The following ERBIN variants were observed in gnomAD, a reference collection of about 807,000 sequenced individuals.
ERBIN encodes densin-180-like protein.
Under a neutral mutation model 158.4 loss-of-function variants are expected in ERBIN, and 60 were observed. The observed-to-expected ratio is 0.38, with a 90% CI of 0.31 to 0.47. The LOEUF (loss-of-function observed/expected upper bound fraction) is 0.47. ERBIN is among the 20% of genes least tolerant of loss of function. ERBIN has a pLI of 0.99. For missense variants in ERBIN, 1,610 were observed against 1,648.0 expected, an observed-to-expected ratio of 0.98 and a Z score of 0.40; for synonymous variants, 594 against 557.2, an observed-to-expected ratio of 1.07 and a Z score of -0.93.
intron 1 of ERBIN, among the ~76,000 whole-genome samples, chr5:65,946,373 T>C (rs1745747628): frequency 6.6e-6 from 1 of 151,940 alleles, no homozygotes; most frequent in Non-Finnish European, 1.5e-5. Flanking sequence ...CATAAATGAA[T>C]GAATGAATGA....
chr5:66,001,961 A>G (rs948263990), intron 4 of ERBIN, among the ~76,000 whole-genome samples: 1 of 151,714 alleles, frequency 6.6e-6, no homozygotes, highest in Non-Finnish European at 1.5e-5. Context: ...CTATCCCTCC[A>G]CTTTCCCCTC....
At chr5:66,015,121 G>C (rs1017580304) in intron 7 of ERBIN, among the ~76,000 whole-genome samples, 1 of 152,112 alleles carries the variant, frequency 6.6e-6, no homozygotes, top group Non-Finnish European at 1.5e-5. Context: ...GAACTTGATT[G>C]TCTGGCTATG....
intron 21 of ERBIN, among the ~76,000 whole-genome samples, chr5:66,064,399 T>C (rs1760778847): frequency 1.3e-5 from 2 of 152,236 alleles, no homozygotes. Context: ...ACTGTACAGT[T>C]ACCTTGCTAT....
At position 66,021,618 on chromosome 5, in the gene ERBIN, A is replaced by G. The variant is rs372627248; in HGVS notation, c.597+233A>G. On this transcript the variant is annotated intron_variant, in intron 8 of 25. Coordinates refer to ENST00000284037, the MANE Select transcript of ERBIN (RefSeq NM_001253697.2). ...GTAAAATCAATGAGAGGTCCATGGA[A>G]GAGATACTAAACAATTTTTAGCATA... 4.7e-5 allele frequency among the ~76,000 whole-genome samples: 7 copies of G among 150,006 alleles called. No homozygotes were observed. The East Asian group carries it at 1.2e-3, about 25-fold the overall frequency.
At chr5:66,065,484 G>T (rs1760876645) in intron 21 of ERBIN, among the ~76,000 whole-genome samples, 1 of 151,896 alleles carries the variant, frequency 6.6e-6, no homozygotes, top group Non-Finnish European at 1.5e-5. Flanking sequence ...TTTTACCTTT[G>T]TTCTTCCTTT....
intron 4 of ERBIN, among the ~76,000 whole-genome samples, chr5:66,006,905 G>A (rs1753664081): frequency 6.6e-6 from 1 of 150,910 alleles, no homozygotes; most frequent in Non-Finnish European, 1.5e-5. Context: ...TGCTGGAGAG[G>A]ATGTGGAGAA....
chr5:66,053,394 T>C lies in ERBIN; in HGVS notation c.2088-12T>C. On this transcript the variant is annotated splice_polypyrimidine_tract_variant and intron_variant, in intron 20 of 25. Transcript: ENST00000284037. ...CTTTATTATGTTTTTCATAAAATTA[T>C]CTTTATTTTAGGCAAGAAGATGAAA... The C allele has an allele frequency of 2.9e-6, 4 of 1,402,068 alleles. No individual in the cohort carries two copies. The highest frequency in any genetic ancestry group is 3.8e-6 in the Non-Finnish European group (4 of 1,059,626). The allele number at this position is 1,402,068 out of a possible 1,614,324, so 86.9% of individuals were successfully genotyped here. A position where few individuals can be genotyped will look rare whatever the true frequency, so the allele number is the denominator to read the frequency against.
At position 65,926,759 on chromosome 5, in the gene ERBIN, C is replaced by T. The variant is rs1161347330; in HGVS notation, c.-105C>T. On this transcript the variant is annotated 5_prime_UTR_variant, in exon 1 of 26. It introduces an in-frame stop codon into an upstream open reading frame of the 5' UTR. Transcript: ENST00000284037. The stretch of plus-strand genomic sequence containing the variant: ...ACTGATGAAGGGAAGGAAATCATGT[C>T]AAGCGAAGCCTTGAAAAAGCTGCCC... 1 of 152,084 alleles carries T rather than the reference C, an allele frequency of 6.6e-6. No homozygotes were observed. Among genetic ancestry groups the T allele is most frequent in the Admixed American group, 6.5e-5 (1 of 15,268 alleles). 9.4% of individuals were successfully genotyped at this position (152,084 alleles called of 1,614,324 possible).
intron 14 of ERBIN, among the ~76,000 whole-genome samples, chr5:66,036,024 G>A (rs1333711081): frequency 6.6e-6 from 1 of 152,096 alleles, no homozygotes; most frequent in African/African-American, 2.4e-5. Flanking sequence ...AGAAGTTCTA[G>A]GTTACAATGA....
At chr5:66,066,954 G>A (rs1761059949) in intron 21 of ERBIN, among the ~76,000 whole-genome samples, 1 of 152,228 alleles carries the variant, frequency 6.6e-6, no homozygotes, top group African/African-American at 2.4e-5. Flanking sequence ...GTAAGCTCAT[G>A]TGTTTGGAGA....
intron 23 of ERBIN, among the ~76,000 whole-genome samples, chr5:66,075,916 T>G (rs961222936): frequency 6.6e-6 from 1 of 152,176 alleles, no homozygotes; most frequent in Non-Finnish European, 1.5e-5. Context: ...AGATATCTTA[T>G]GTAACAAGCC....
chr5:65,935,796 C>T (rs1403284117), intron 1 of ERBIN, among the ~76,000 whole-genome samples: 1 of 152,166 alleles, frequency 6.6e-6, no homozygotes, highest in Non-Finnish European at 1.5e-5. Context: ...ATGATCACTG[C>T]TCACTGCAGC....
intron 21 of ERBIN, among the ~76,000 whole-genome samples, chr5:66,060,568 T>C (rs1274386832): frequency 1.3e-5 from 2 of 152,216 alleles, no homozygotes; most frequent in African/African-American, 4.8e-5. Flanking sequence ...TAGTTATTTC[T>C]TGTCTTCTGC....
chr5:66,054,296 A>G lies in ERBIN; in HGVS notation c.2978A>G (p.His993Arg). 6.2e-7 allele frequency: 1 copy of G among 1,614,160 alleles called. No homozygotes were observed. Among genetic ancestry groups the G allele is most frequent in the South Asian group, 1.1e-5 (1 of 91,086 alleles). The change falls in exon 21 of 26, where the codon CAC becomes CGC. Residue 993 changes from histidine (H) to arginine (R), a missense_variant. His to Arg is a conservative substitution (Grantham distance 29). This residue lies in a region of ERBIN where 1,014 missense variants were observed against 936.1 expected (regional missense o/e 1.08). Coordinates refer to ENST00000284037, the MANE Select transcript of ERBIN (RefSeq NM_001253697.2). Reference protein sequence around the residue: ...SSAAVKDTLWHSKQNPQIDHA... With the variant: ...SSAAVKDTLWRSKQNPQIDHA... Reference sequence around the variant, plus strand: ...GCTGCAGTCAAAGACACTTTGTGGCACTCCAAACAAAATCCCCAAATAGAC... The same window carrying G: ...GCTGCAGTCAAAGACACTTTGTGGCGCTCCAAACAAAATCCCCAAATAGAC...
rs559923088 is a variant in ERBIN at position 65,977,481 on chromosome 5, G to A, written c.-57-11154G>A. Among the ~76,000 whole-genome samples, 17 of 151,428 alleles carry A rather than the reference G, an allele frequency of 1.1e-4. No individual in the cohort carries two copies. The East Asian group carries it at 1.6e-3, about 14-fold the overall frequency. On this transcript the variant is annotated intron_variant, in intron 1 of 25. Transcript: ENST00000284037. Reference sequence around the variant, plus strand: ...CAGAGGGTCTCCTCACTTCTCAGACGGGGCGGCCGGGCAGAGACGCTCCTC... The same window carrying A: ...CAGAGGGTCTCCTCACTTCTCAGACAGGGCGGCCGGGCAGAGACGCTCCTC...
At chr5:65,964,593 C>A (rs1748314725) in intron 1 of ERBIN, among the ~76,000 whole-genome samples, 1 of 152,140 alleles carries the variant, frequency 6.6e-6, no homozygotes, top group African/African-American at 2.4e-5. Flanking sequence ...CAAACATGGG[C>A]TGTGTATAAT....
chr5:66,007,519 A>C (rs1040552372), intron 4 of ERBIN, among the ~76,000 whole-genome samples: 38 of 151,222 alleles, frequency 2.5e-4, no homozygotes, highest in Non-Finnish European at 3.4e-4. Context: ...CACGTTGTGC[A>C]CATGTACCCT....
At chr5:66,064,116 G>T (rs901776750) in intron 21 of ERBIN, among the ~76,000 whole-genome samples, 2 of 152,212 alleles carry the variant, frequency 1.3e-5, no homozygotes, top group Non-Finnish European at 1.5e-5. Flanking sequence ...AAGATAAAAT[G>T]GTAATGATAA....
At chr5:65,957,658 C>G (rs181935481) in intron 1 of ERBIN, among the ~76,000 whole-genome samples, 44 of 152,326 alleles carry the variant, frequency 2.9e-4, no homozygotes, top group African/African-American at 1.1e-3. Context: ...CTATCCTTTC[C>G]CCACATTTCC....
Sources: allele counts gnomAD v4.1 joint callset (sites outside exome capture counted in the v4.1 genomes callset), GRCh38; gene constraint gnomAD v4.1.1; regional missense constraint gnomAD v4.1.1; transcripts MANE v1.5; gene names NCBI Gene and HGNC (gene_info 2026-07-23, HGNC 2026-07-21).